The following TCF12 variants were observed in gnomAD, a reference collection of about 807,000 sequenced individuals.
TCF12 encodes DNA-binding protein HTF4.
In TCF12, 45 loss-of-function variants were observed where a neutral mutation model predicts 86.0. The ratio of observed to expected loss-of-function variants is 0.52; its 90% CI spans 0.41 to 0.67. The LOEUF is 0.67. Ranked by LOEUF, TCF12 falls within the 30% of genes least tolerant of loss-of-function variation. The pLI, the probability that TCF12 is intolerant of heterozygous loss-of-function variation, is 0.00. For synonymous variants in TCF12, 330 were observed against 299.6 expected, an observed-to-expected ratio of 1.10 and a Z score of -1.05; for missense variants, 881 against 859.9, an observed-to-expected ratio of 1.02 and a Z score of -0.31.
At chr15:57,258,838 T>C (rs1567001989) in intron 16 of TCF12, among the ~76,000 whole-genome samples, 3 of 152,200 alleles carry the variant, frequency 2.0e-5, no homozygotes, top group Non-Finnish European at 2.9e-5. Flanking sequence ...TACAGGAGAC[T>C]TTAAGTAAAG....
chr15:57,144,561 T>C (rs1477235879), intron 5 of TCF12, among the ~76,000 whole-genome samples: 2 of 152,212 alleles, frequency 1.3e-5, no homozygotes, highest in Non-Finnish European at 2.9e-5. Flanking sequence ...GTACTGATGA[T>C]TGGGTAAGTC....
intron 3 of TCF12, among the ~76,000 whole-genome samples, chr15:57,010,190 A>G (rs963426552): frequency 2.0e-5 from 3 of 152,074 alleles, no homozygotes; most frequent in Non-Finnish European, 4.4e-5. Context: ...TAACTATAAG[A>G]GAAGGCCAGG....
chr15:57,100,443 A>G (rs1381974485), intron 5 of TCF12, among the ~76,000 whole-genome samples: 2 of 98,478 alleles, frequency 2.0e-5, no homozygotes, highest in Non-Finnish European at 3.9e-5. Context: ...TTTTTTTTTT[A>G]GTAGAGATGA....
chr15:57,280,591 C>G (rs894512157), intron 19 of TCF12, among the ~76,000 whole-genome samples: 3 of 152,146 alleles, frequency 2.0e-5, no homozygotes, highest in Non-Finnish European at 1.5e-5. Context: ...AAAGGGGAAT[C>G]CGGCACAGTG....
rs2059197513 is a variant in TCF12, at chr15:57,232,755, G to A, written c.869G>A (p.Ser290Asn). 1 of 1,611,798 alleles carries A rather than the reference G, an allele frequency of 6.2e-7. No homozygotes were observed. Among genetic ancestry groups the A allele is most frequent in the South Asian group, 1.1e-5 (1 of 90,952 alleles). Residue 290 changes from serine to asparagine, a missense_variant, in exon 11 of 21, where the codon AGT (serine) becomes AAT (asparagine). Physicochemically the swap from Ser to Asn is conservative, Grantham distance 46 (BLOSUM62 1). Transcript: ENST00000333725. ...GTTTCACCAACAGACATAAACACGAGTCTTCCACCAATGTCCAGCTTTCAT... is the reference window on the plus strand; with the variant it reads ...GTTTCACCAACAGACATAAACACGAATCTTCCACCAATGTCCAGCTTTCAT... ...HSVSPTDINT[S>N]LPPMSSFHRG...
chr15:57,088,657 G>GT (rs1244934204), intron 4 of TCF12, among the ~76,000 whole-genome samples: 7 of 152,048 alleles, frequency 4.6e-5, no homozygotes, highest in African/African-American at 1.7e-4. Flanking sequence ...TCCAAGTTGT[G>GT]TAAGTTCTTG....
At chr15:57,126,327 G>C (rs1475677688) in intron 5 of TCF12, among the ~76,000 whole-genome samples, 1 of 152,082 alleles carries the variant, frequency 6.6e-6, no homozygotes, top group African/African-American at 2.4e-5. Context: ...TCTTCCAGAG[G>C]TGCTTCTTTG....
intron 5 of TCF12, among the ~76,000 whole-genome samples, chr15:57,108,853 T>C (rs184619550): frequency 1.8e-3 from 278 of 152,350 alleles, no homozygotes; most frequent in African/African-American, 6.5e-3. Context: ...AATGAAAATA[T>C]ACTTTCCTCT....
At chr15:57,276,725 C>G (rs1332747101) in intron 19 of TCF12, among the ~76,000 whole-genome samples, 3 of 151,846 alleles carry the variant, frequency 2.0e-5, no homozygotes, top group Non-Finnish European at 4.4e-5. Context: ...GTACTGGATT[C>G]CAGGAGATAG....
chr15:57,064,163 A>G (rs1370632429), intron 4 of TCF12, among the ~76,000 whole-genome samples: 1 of 152,162 alleles, frequency 6.6e-6, no homozygotes, highest in African/African-American at 2.4e-5. Context: ...TTGGCTTTCA[A>G]CATACTAACT....
intron 16 of TCF12, among the ~76,000 whole-genome samples, chr15:57,259,796 C>G (rs960910557): frequency 6.6e-6 from 1 of 152,106 alleles, no homozygotes; most frequent in Non-Finnish European, 1.5e-5. Context: ...TAGGCTCAGA[C>G]AAAGAACTGT....
At chr15:56,922,378 T>C (rs56193354) in intron 3 of TCF12, among the ~76,000 whole-genome samples, 6,773 of 152,058 alleles carry the variant, frequency 0.045, 477 homozygotes, top group East Asian at 0.29. Context: ...TACAATAACA[T>C]GAACTCCAGG....
intron 5 of TCF12, among the ~76,000 whole-genome samples, chr15:57,116,038 T>C (rs1284232890): frequency 6.6e-6 from 1 of 152,210 alleles, no homozygotes; most frequent in Non-Finnish European, 1.5e-5. Context: ...TTCCATAACA[T>C]TGCCTCATTT....
chr15:57,027,144 A>G (rs2065871249), intron 3 of TCF12, among the ~76,000 whole-genome samples: 1 of 152,066 alleles, frequency 6.6e-6, no homozygotes, highest in Non-Finnish European at 1.5e-5. Flanking sequence ...TAGTTTTGAG[A>G]TCTGTTTTGA....
intron 11 of TCF12, 43 bp from the exon 12 acceptor site, chr15:57,234,000 T>C (rs538491840): frequency 6.5e-6 from 10 of 1,535,346 alleles, no homozygotes; most frequent in Non-Finnish European, 9.0e-6. Context: ...AATATAATAC[T>C]TGCTTGTAAA....
intron 5 of TCF12, among the ~76,000 whole-genome samples, chr15:57,112,013 C>CTT (rs2050527002): frequency 6.6e-6 from 1 of 152,204 alleles, no homozygotes; most frequent in Non-Finnish European, 1.5e-5. Context: ...AGAAATCTAA[C>CTT]TTCATAGTGA....
intron 16 of TCF12, among the ~76,000 whole-genome samples, chr15:57,261,703 A>G (rs2060591683): frequency 6.6e-6 from 1 of 152,100 alleles, no homozygotes; most frequent in African/African-American, 2.4e-5. Context: ...ATTTTGTTAA[A>G]TGCCAGTTCA....
At chr15:57,200,836 C>G (rs1275276794) in intron 8 of TCF12, among the ~76,000 whole-genome samples, 10 of 152,138 alleles carry the variant, frequency 6.6e-5, no homozygotes, top group African/African-American at 2.4e-4. Context: ...GAAGGTCTAA[C>G]TAAGCTGTAT....
intron 5 of TCF12, among the ~76,000 whole-genome samples, chr15:57,151,575 G>A (rs957294813): frequency 6.6e-6 from 1 of 152,022 alleles, no homozygotes; most frequent in Admixed American, 6.6e-5. Flanking sequence ...GACCAGCCTG[G>A]CCAACATGGT....
Sources: gnomAD v4.1 joint callset for allele counts (sites outside exome capture counted in the v4.1 genomes callset) on GRCh38, gnomAD v4.1.1 for gene constraint, MANE v1.5 for transcripts, NCBI Gene and HGNC (gene_info 2026-07-23, HGNC 2026-07-21) for gene names.